Variants in NCBP2 observed in about 807,000 individuals in gnomAD.
The protein encoded by NCBP2 is nuclear cap binding protein subunit 2.
Under a neutral mutation model 21.5 loss-of-function variants are expected in NCBP2, and 8 were observed. The observed-to-expected ratio is 0.37, with a 90% CI of 0.22 to 0.67. NCBP2 has a LOEUF of 0.67. Among genes scored for constraint, NCBP2 ranks in the 30% least tolerant of loss-of-function variants. The pLI is 0.56. For synonymous variants in NCBP2, 92 were observed against 75.8 expected, an observed-to-expected ratio of 1.21 and a Z score of -1.11; for missense variants, 127 against 206.9, an observed-to-expected ratio of 0.61 and a Z score of 2.37.
intron 1 of NCBP2, 119 bp downstream of exon 1, chr3:196,942,307 G>A (rs950670576): frequency 6.6e-6 from 10 of 1,526,416 alleles, no homozygotes; most frequent in African/African-American, 1.4e-5. Flanking sequence ...AGGCACCGGG[G>A]CCCCACTTGG....
chr3:196,940,438 T>TTA (rs1296234559), intron 1 of NCBP2, among the ~76,000 whole-genome samples: 3 of 151,940 alleles, frequency 2.0e-5, no homozygotes, highest in African/African-American at 7.3e-5. Flanking sequence ...AACTTTGGAG[T>TTA]GAGACATTAG....
Position 196,936,367 on chromosome 3 carries a change from A to G in NCBP2, c.*644T>C, listed in dbSNP as rs1716262026. ...CCTTTAGAGGTTAGAATTCACAGAA[A>G]ACAAATTCAATTGTCAAACACCTGT... On this transcript the variant is annotated 3_prime_UTR_variant, in exon 4 of 4. Coordinates refer to ENST00000321256, the MANE Select transcript of NCBP2 (RefSeq NM_007362.5). The G allele has an allele frequency of 6.5e-6, 1 of 152,784 alleles. No homozygotes were observed. Among genetic ancestry groups the G allele is most frequent in the Non-Finnish European group, 1.5e-5 (1 of 68,496 alleles). 9.5% of individuals were successfully genotyped at this position (152,784 alleles called of 1,614,324 possible). A position where few individuals can be genotyped will look rare whatever the true frequency, so the allele number is the denominator to read the frequency against.
chr3:196,938,403 A>G (rs945206627), intron 2 of NCBP2: 2 of 152,202 alleles, frequency 1.3e-5, no homozygotes, highest in African/African-American at 4.8e-5. Flanking sequence ...AATTCAGGGC[A>G]CAGGAAAAAA....
intron 1 of NCBP2, chr3:196,942,059 T>C: frequency 6.5e-7 from 1 of 1,532,498 alleles, no homozygotes; most frequent in Non-Finnish European, 8.7e-7. Context: ...CGCCTCTGCC[T>C]ACTCTGGGAG....
chr3:196,937,525 C>T lies in NCBP2; in HGVS notation c.384G>A (p.Gly128=), dbSNP rs1322615371. The part of the protein sequence containing the change: ...GFKEGRQYGR[G]RSGGQVRDEY... ...TCTTGCATACCTGGCCCCCAGATCG[C>T]CCACGGCCGTATTGCCTGCCCTCCT... is the stretch of plus-strand genomic sequence containing the variant. The change falls in exon 3 of 4, where the codon GGG becomes GGA. Residue 128 remains glycine, a synonymous_variant. Coordinates refer to ENST00000321256, the MANE Select transcript of NCBP2 (RefSeq NM_007362.5). 6 of 1,614,162 alleles carry T rather than the reference C, an allele frequency of 3.7e-6. No homozygotes were observed. In the South Asian group the frequency reaches 4.4e-5, roughly 12 times the overall value.
intron 1 of NCBP2, among the ~76,000 whole-genome samples, chr3:196,940,670 G>A (rs908881592): frequency 6.6e-6 from 1 of 152,204 alleles, no homozygotes; most frequent in African/African-American, 2.4e-5. Flanking sequence ...TCTAAAAAAA[G>A]CTACAGGTTT....
chr3:196,936,756 CTG>C lies in NCBP2; in HGVS notation c.*253_*254del. 1 of 549,774 alleles carries C rather than the reference CTG, an allele frequency of 1.8e-6. No homozygotes were observed. Among genetic ancestry groups the C allele is most frequent in the Non-Finnish European group, 3.3e-6 (1 of 306,374 alleles). 34.1% of individuals were successfully genotyped at this position (549,774 alleles called of 1,614,324 possible). On this transcript the variant is annotated 3_prime_UTR_variant, in exon 4 of 4. Transcript: ENST00000321256. ...GACTAATCAACATTACAGATCCAATCTGTTGTCAAAGAACACAATTTCTGACC... is the reference window on the plus strand; with the variant it reads ...GACTAATCAACATTACAGATCCAATCTTGTCAAAGAACACAATTTCTGACC...
intron 1 of NCBP2, 105 bp from the exon 2 acceptor site, chr3:196,939,537 C>T: frequency 1.1e-6 from 1 of 886,274 alleles, no homozygotes; most frequent in Non-Finnish European, 1.7e-6. Flanking sequence ...TGGAAATCAA[C>T]TTCTCTCATC....
intron 3 of NCBP2, 153 bp downstream of exon 3, chr3:196,937,357 C>G (rs1350512471): frequency 8.5e-7 from 1 of 1,180,038 alleles, no homozygotes; most frequent in Admixed American, 2.6e-5. Flanking sequence ...AAAAAAAATT[C>G]ACCCAAACCG....
chr3:196,939,367 A>G lies in NCBP2; in HGVS notation c.144T>C (p.Ser48=). The G allele has an allele frequency of 1.9e-6, 3 of 1,613,392 alleles. No homozygotes were observed. The highest frequency in any genetic ancestry group is 2.5e-6 in the Non-Finnish European group (3 of 1,179,362). ...KSCTLYVGNL[S]FYTTEEQIYE... is the part of the protein sequence containing the mutation. ...AGATTTGTTCTTCAGTTGTGTAAAAAGAAAGATTTCCAACATATAACGTAC... is the reference window on the plus strand; with the variant it reads ...AGATTTGTTCTTCAGTTGTGTAAAAGGAAAGATTTCCAACATATAACGTAC... Residue 48 remains serine (S), a synonymous_variant, in exon 2 of 4, where the codon TCT becomes TCC. Coordinates refer to ENST00000321256, the MANE Select transcript of NCBP2 (RefSeq NM_007362.5).
At chr3:196,939,789 G>C (rs1716441861) in intron 1 of NCBP2, 1 of 182,580 alleles carries the variant, frequency 5.5e-6, no homozygotes, top group South Asian at 1.6e-4. Flanking sequence ...TATGACAAAG[G>C]GCCCTTTTAT....
At position 196,936,795 on chromosome 3, in the gene NCBP2, T is replaced by C. The variant is rs1716285532; in HGVS notation, c.*216A>G. The C allele has an allele frequency of 1.7e-6, 1 of 582,322 alleles. No homozygotes were observed. The highest frequency in any genetic ancestry group is 1.9e-5 in the African/African-American group (1 of 53,478). The allele number at this position is 582,322 out of a possible 1,614,324, so 36.1% of individuals were successfully genotyped here. ...CACAATTTCTGACCTGGTAACAAAA[T>C]TGTTCTGATAATCTGACACATGGCC... On this transcript the variant is annotated 3_prime_UTR_variant, in exon 4 of 4. Coordinates refer to ENST00000321256, the MANE Select transcript of NCBP2 (RefSeq NM_007362.5).
At chr3:196,942,187 G>C (rs1274628911) in intron 1 of NCBP2, 3 of 1,454,786 alleles carry the variant, frequency 2.1e-6, no homozygotes, top group Admixed American at 5.2e-5. Flanking sequence ...GGTACAGGGA[G>C]CGGCTGCGAG....
rs1180011163 is a variant in NCBP2 at position 196,939,435 on chromosome 3, A to G, written c.79-3T>C. 6.3e-7 allele frequency: 1 copy of G among 1,593,638 alleles called. No homozygotes were observed. The highest frequency in any genetic ancestry group is 8.6e-7 in the Non-Finnish European group (1 of 1,169,402). On this transcript the variant is annotated splice_region_variant and splice_polypyrimidine_tract_variant and intron_variant, in intron 1 of 3. Coordinates refer to ENST00000321256, the MANE Select transcript of NCBP2 (RefSeq NM_007362.5). ...TTTTCTTGTTCTTCATTGTCACCCTAGAATTTCAAATAGAGACAAAAGTTA... is the reference window on the plus strand; with the variant it reads ...TTTTCTTGTTCTTCATTGTCACCCTGGAATTTCAAATAGAGACAAAAGTTA...
intron 1 of NCBP2, chr3:196,941,443 T>C (rs2108883607): frequency 6.4e-6 from 1 of 156,918 alleles, no homozygotes; most frequent in Admixed American, 6.3e-5. Flanking sequence ...AAAATTTCCC[T>C]TTCCCTACTC....
chr3:196,937,170 A>T, intron 3 of NCBP2, 88 bp from the exon 4 acceptor site: 3 of 1,245,986 alleles, frequency 2.4e-6, no homozygotes, highest in Non-Finnish European at 3.5e-6. Context: ...AAACAGTGAA[A>T]CCTGTTCAGA....
At position 196,937,546 on chromosome 3, in the gene NCBP2, C is replaced by G. The variant is rs1436504113; in HGVS notation, c.363G>C (p.Glu121Asp). The G allele has an allele frequency of 6.2e-7, 1 of 1,614,086 alleles. No individual in the cohort carries two copies. Among genetic ancestry groups the G allele is most frequent in the Non-Finnish European group, 8.5e-7 (1 of 1,180,048 alleles). The change falls in exon 3 of 4, where the codon GAG (glutamate) becomes GAC (aspartate). Residue 121 changes from glutamate to aspartate, a missense_variant. Physicochemically the swap from Glu to Asp is conservative, Grantham distance 45. Coordinates refer to ENST00000321256, the MANE Select transcript of NCBP2 (RefSeq NM_007362.5). Reference protein sequence around the residue: ...IRTDWDAGFKEGRQYGRGRSG... With the variant: ...IRTDWDAGFKDGRQYGRGRSG... ...ATCGCCCACGGCCGTATTGCCTGCC[C>G]TCCTTAAAGCCTGCGTCCCAGTCTG...
At chr3:196,941,910 G>A in intron 1 of NCBP2, 19 of 1,536,122 alleles carry the variant, frequency 1.2e-5, no homozygotes, top group Non-Finnish European at 1.7e-5. Flanking sequence ...GCGGAGTGAG[G>A]ACTCCACTTG....
chr3:196,940,741 C>T (rs142440357), intron 1 of NCBP2, among the ~76,000 whole-genome samples: 2 of 152,342 alleles, frequency 1.3e-5, no homozygotes, highest in East Asian at 3.9e-4. Flanking sequence ...TCACAGGATG[C>T]TTTAAGTTCA....
Sources: gnomAD v4.1 joint callset for allele counts (sites outside exome capture counted in the v4.1 genomes callset) on GRCh38, gnomAD v4.1.1 for gene constraint, MANE v1.5 for transcripts, NCBI Gene and HGNC (gene_info 2026-07-23, HGNC 2026-07-21) for gene names.